MAST1: variants seen among roughly 807,000 people sequenced by gnomAD.
MAST1 encodes the protein microtubule associated serine/threonine kinase 1.
MAST1 carries 40 observed loss-of-function variants against 124.6 expected under a neutral mutation model. That is an observed-to-expected ratio of 0.32 (90% CI 0.25 to 0.42). The LOEUF is 0.42. MAST1 is among the 10% of genes least tolerant of loss of function. MAST1 has a pLI of 1.00. For missense variants in MAST1, 1,558 were observed against 2,181.9 expected, an observed-to-expected ratio of 0.71 and a Z score of 5.70; for synonymous variants, 938 against 939.4, an observed-to-expected ratio of 1.00 and a Z score of 0.03.
chr19:12,865,915 C>T lies in MAST1; in HGVS notation c.1907-65C>T, dbSNP rs1970148391. On this transcript the variant is annotated intron_variant, in intron 16 of 25. Transcript: ENST00000251472. This position sits in a 1 kb window ranked among gnomAD's most constrained non-coding sequence, Gnocchi z 7.1. ...TGTGCTGTGGCCCCGGGGCGGAAGA[C>T]ATGGGGGGCGGGGCTGGGCTGCTGG... 6.2e-7 allele frequency: 1 copy of T among 1,609,916 alleles called. No homozygotes were observed. The highest frequency in any genetic ancestry group is 8.5e-7 in the Non-Finnish European group (1 of 1,177,384).
In MAST1 at chr19:12,860,984, C is replaced by T. The variant is rs1970074794; in HGVS notation, c.1366+2245C>T. ...GACACAGAGGAGACCCAGGCACAGA[C>T]ATCTCCCCGCCATGGAGATTCCATT... On this transcript the variant is annotated intron_variant, in intron 12 of 25. Transcript: ENST00000251472. 3.3e-5 allele frequency among the ~76,000 whole-genome samples: 5 copies of T among 152,014 alleles called. No homozygotes were observed. In the South Asian group the frequency reaches 1.0e-3, roughly 31 times the overall value.
Position 12,873,655 on chromosome 19 carries a change from G to T in MAST1, c.3498G>T (p.Ser1166=), listed in dbSNP as rs749319116. The T allele has an allele frequency of 1.3e-6, 2 of 1,596,868 alleles. No homozygotes were observed. The highest frequency in any genetic ancestry group is 1.1e-5 in the South Asian group (1 of 90,792). The part of the protein sequence containing the change: ...SSSPASSTPN[S]PASSASHHIR... Reference sequence around the variant, plus strand: ...CCCCAGCCTCGAGCACGCCCAACTCGCCTGCGTCGTCGGCGTCGCACCACA... The same window carrying T: ...CCCCAGCCTCGAGCACGCCCAACTCTCCTGCGTCGTCGGCGTCGCACCACA... Residue 1166 remains serine, a synonymous_variant, in exon 26 of 26, where the codon TCG becomes TCT. Transcript: ENST00000251472.
rs115787041 is a variant in MAST1 at position 12,872,384 on chromosome 19, G to A, written c.3264-940G>A. ...ACATTTCTTCCCACTCTTATAGGTG[G>A]GTTGTAGTGGAAGAGGCGGGACTAG... On this transcript the variant is annotated intron_variant, in intron 24 of 25. Coordinates refer to ENST00000251472, the MANE Select transcript of MAST1 (RefSeq NM_014975.3). Among the ~76,000 whole-genome samples the A allele has an allele frequency of 1.8e-3, 272 of 152,240 alleles. 2 individuals are homozygous for A. Among genetic ancestry groups the A allele is most frequent in the African/African-American group, 6.3e-3 (261 of 41,532 alleles).
At position 12,858,006 on chromosome 19, in the gene MAST1, C is replaced by CAAAAAA. The variant is rs539497049; in HGVS notation, c.1078-330_1078-325dup. ...TGAATATCAGAGTGAGAACCTATCT[C>CAAAAAA]AAAAAAAAAAAAAAAAAAAAAAAAA... On this transcript the variant is annotated intron_variant, in intron 10 of 25. Coordinates refer to ENST00000251472, the MANE Select transcript of MAST1 (RefSeq NM_014975.3). Among the ~76,000 whole-genome samples, 18 of 49,444 alleles carry CAAAAAA rather than the reference C, an allele frequency of 3.6e-4. 2 individuals carry two copies. Among genetic ancestry groups the CAAAAAA allele is most frequent in the East Asian group, 7.1e-4 (1 of 1,402 alleles). The allele number at this position is 49,444 out of a possible 152,430, so 32.4% of individuals were successfully genotyped here.
intron 12 of MAST1, among the ~76,000 whole-genome samples, chr19:12,863,090 C>A (rs942485512): frequency 1.5e-5 from 2 of 134,346 alleles, no homozygotes; most frequent in South Asian, 4.5e-4. Flanking sequence ...GGTGAGTGGG[C>A]AGAGGTTGCA....
intron 20 of MAST1, among the ~76,000 whole-genome samples, chr19:12,868,236 G>A (rs2145910296): frequency 6.7e-6 from 1 of 150,310 alleles, no homozygotes; most frequent in South Asian, 2.1e-4. Context: ...AGCCTCCCGA[G>A]TAGCTGGGAT....
chr19:12,858,388 G>A lies in MAST1; in HGVS notation c.1104G>A (p.Pro368=), dbSNP rs1246647077. ...GCCGCAGCAGCAAGGCCAAGAAACC[G>A]CCGGGGGAGAATGACTTCGATACCA... The part of the protein sequence containing the change: ...SEGRSSKAKK[P]PGENDFDTIK... The change falls in exon 11 of 26, where the codon CCG becomes CCA. Residue 368 remains proline, a synonymous_variant. Coordinates refer to ENST00000251472, the MANE Select transcript of MAST1 (RefSeq NM_014975.3). The A allele has an allele frequency of 7.4e-6, 12 of 1,613,892 alleles. 1 individual carries two copies. In the East Asian group the frequency reaches 2.0e-4, roughly 27 times the overall value.
rs1969913268 is a variant in MAST1, at chr19:12,847,787, G to A, written c.565-61G>A. ...CCTGGCGGCCTCGGTGCGCAGCGCA[G>A]GCTCCTGGCGGCCGCAGCCTTCGGG... On this transcript the variant is annotated intron_variant, in intron 6 of 25. Transcript: ENST00000251472. This position sits in a 1 kb window ranked among gnomAD's most constrained non-coding sequence, Gnocchi z 5.5. The A allele has an allele frequency of 6.3e-7, 1 of 1,581,294 alleles. No homozygotes were observed. Among genetic ancestry groups the A allele is most frequent in the Non-Finnish European group, 8.6e-7 (1 of 1,160,792 alleles).
At chr19:12,854,804 T>C (rs1052472494) in intron 10 of MAST1, among the ~76,000 whole-genome samples, 2 of 152,190 alleles carry the variant, frequency 1.3e-5, no homozygotes, top group Non-Finnish European at 2.9e-5. Flanking sequence ...TATGTGTTAA[T>C]GGCAGCTCAG....
intron 10 of MAST1, among the ~76,000 whole-genome samples, chr19:12,854,652 G>A (rs1969999429): frequency 6.6e-6 from 1 of 152,184 alleles, no homozygotes; most frequent in Non-Finnish European, 1.5e-5. Flanking sequence ...TTATGAATGT[G>A]GGTGTACAAA....
intron 4 of MAST1, among the ~76,000 whole-genome samples, chr19:12,845,491 G>A (rs1969882182): frequency 6.6e-6 from 1 of 150,836 alleles, no homozygotes; most frequent in Non-Finnish European, 1.5e-5. Context: ...GGCTGAGATG[G>A]AAAGATTGCT....
At chr19:12,870,523 G>T (rs1307188356) in intron 22 of MAST1, among the ~76,000 whole-genome samples, 1 of 149,430 alleles carries the variant, frequency 6.7e-6, no homozygotes, top group African/African-American at 2.5e-5. Flanking sequence ...TTAGCCGGAG[G>T]TAGTGGCGCA....
rs1969833259 is a variant in MAST1 at position 12,841,832 on chromosome 19, C to G, written c.248+766C>G. Among the ~76,000 whole-genome samples, 1 of 152,132 alleles carries G rather than the reference C, an allele frequency of 6.6e-6. No homozygotes were observed. Among genetic ancestry groups the G allele is most frequent in the African/African-American group, 2.4e-5 (1 of 41,434 alleles). On this transcript the variant is annotated intron_variant, in intron 3 of 25. Coordinates refer to ENST00000251472, the MANE Select transcript of MAST1 (RefSeq NM_014975.3). The surrounding 1 kb of genome is among the most constrained non-coding windows in gnomAD (Gnocchi z 4.3). ...TGAGAGTCAAAGGAGACTGTGAAGA[C>G]AGACAGCTCCCTTGGGAAAGTGGGG... is the stretch of plus-strand genomic sequence containing the variant.
chr19:12,842,529 G>T, intron 3 of MAST1, among the ~76,000 whole-genome samples: 1 of 152,142 alleles, frequency 6.6e-6, no homozygotes, highest in Non-Finnish European at 1.5e-5. Context: ...CTGACCTCAG[G>T]TGATCCACCC....
rs1215828730 is a variant in MAST1 at position 12,847,774 on chromosome 19, G to A, written c.565-74G>A. On this transcript the variant is annotated intron_variant, in intron 6 of 25. Transcript: ENST00000251472. This position sits in a 1 kb window ranked among gnomAD's most constrained non-coding sequence, Gnocchi z 5.5. ...TCCCCGCGCGCCCCCTGGCGGCCTC[G>A]GTGCGCAGCGCAGGCTCCTGGCGGC... 3 of 1,581,182 alleles carry A rather than the reference G, an allele frequency of 1.9e-6. No homozygotes were observed. Among genetic ancestry groups the A allele is most frequent in the South Asian group, 2.2e-5 (2 of 89,344 alleles).
chr19:12,866,644 G>T lies in MAST1; in HGVS notation c.2030-9G>T, dbSNP rs368789259. On this transcript the variant is annotated splice_polypyrimidine_tract_variant and intron_variant, in intron 17 of 25. Coordinates refer to ENST00000251472, the MANE Select transcript of MAST1 (RefSeq NM_014975.3). The surrounding 1 kb of genome is among the most constrained non-coding windows in gnomAD (Gnocchi z 5.2). ...GTACCCTCAGTCACAGCCCATACCC[G>T]CTCCCCAGCCCGCTCAGACAGGTAT... The T allele has an allele frequency of 3.9e-5, 62 of 1,601,324 alleles. No homozygotes were observed. The highest frequency in any genetic ancestry group is 5.0e-5 in the Non-Finnish European group (59 of 1,169,750).
chr19:12,840,232 G>C (rs563328170), intron 1 of MAST1, among the ~76,000 whole-genome samples: 4 of 152,280 alleles, frequency 2.6e-5, no homozygotes, highest in Non-Finnish European at 5.9e-5. Flanking sequence ...TCCATACTGA[G>C]AGTTTCTCAC....
At chr19:12,850,057 C>G (rs1969942940) in intron 7 of MAST1, among the ~76,000 whole-genome samples, 1 of 152,128 alleles carries the variant, frequency 6.6e-6, no homozygotes, top group Non-Finnish European at 1.5e-5. Context: ...CTCTGCCTCC[C>G]AAAGTGCTGG....
At chr19:12,849,289 G>A (rs1239528167) in intron 7 of MAST1, among the ~76,000 whole-genome samples, 1 of 152,144 alleles carries the variant, frequency 6.6e-6, no homozygotes, top group African/African-American at 2.4e-5. Context: ...CTACTTAGGA[G>A]GCTGAGATGG....
Sources: allele counts gnomAD v4.1 joint callset (sites outside exome capture counted in the v4.1 genomes callset), GRCh38; gene constraint gnomAD v4.1.1; non-coding constraint Gnocchi (gnomAD v3.1); transcripts MANE v1.5; gene names NCBI Gene and HGNC (gene_info 2026-07-23, HGNC 2026-07-21).